The following PLXNC1 variants were observed in gnomAD, a reference collection of about 807,000 sequenced individuals.
PLXNC1 encodes plexin-C1.
In PLXNC1, 75 loss-of-function variants were observed where a neutral mutation model predicts 178.2. The ratio of observed to expected loss-of-function variants is 0.42; its 90% CI spans 0.35 to 0.51. The LOEUF is 0.51. Among genes scored for constraint, PLXNC1 ranks in the 20% least tolerant of loss-of-function variants. The probability of loss-of-function intolerance (pLI) is 0.02; values close to 1 mark genes in which losing one functional copy is unlikely to be tolerated. For missense variants in PLXNC1, 1,503 were observed against 1,984.4 expected, an observed-to-expected ratio of 0.76 and a Z score of 4.61; for synonymous variants, 790 against 779.9, an observed-to-expected ratio of 1.01 and a Z score of -0.22.
At chr12:94,188,326 T>TA (rs985087497) in intron 4 of PLXNC1, among the ~76,000 whole-genome samples, 2 of 148,082 alleles carry the variant, frequency 1.4e-5, no homozygotes, top group African/African-American at 4.9e-5. Flanking sequence ...TTTTGTCCTT[T>TA]TTTTTTTTTT....
intron 4 of PLXNC1, 84 bp downstream of exon 4, chr12:94,186,557 C>T: frequency 1.2e-6 from 1 of 827,016 alleles, no homozygotes; most frequent in Non-Finnish European, 2.1e-6. Flanking sequence ...CTTTAACGAT[C>T]CATTCCAGTG....
At chr12:94,304,161 G>A (rs1444755744) in intron 30 of PLXNC1, 110 bp downstream of exon 30, 1 of 678,954 alleles carries the variant, frequency 1.5e-6, no homozygotes, top group African/African-American at 1.8e-5. Flanking sequence ...GCCAGAAAGG[G>A]AAGCCAGGAA....
chr12:94,299,762 A>G (rs532662099), intron 27 of PLXNC1, among the ~76,000 whole-genome samples: 40 of 152,120 alleles, frequency 2.6e-4, no homozygotes, highest in Admixed American at 9.2e-4. Flanking sequence ...GTCTCACTAC[A>G]CTGCCCAGGC....
At chr12:94,166,298 G>A (rs1961607515) in intron 1 of PLXNC1, among the ~76,000 whole-genome samples, 1 of 149,228 alleles carries the variant, frequency 6.7e-6, no homozygotes, top group African/African-American at 2.4e-5. Context: ...TAAAAAGTCT[G>A]TGGCATAAAA....
intron 4 of PLXNC1, among the ~76,000 whole-genome samples, chr12:94,197,048 C>T (rs964116808): frequency 2.0e-5 from 3 of 152,190 alleles, no homozygotes; most frequent in African/African-American, 7.2e-5. Context: ...TTTGCCTTTT[C>T]CAGCTTTTGG....
rs778492735 is a variant in PLXNC1, at chr12:94,169,324, A to G, written c.1203+31A>G. ...TTTTCTGTGCCTTCTTCAAATGTCT[A>G]TTTTAATGGTGATATTTTGTACTTT... On this transcript the variant is annotated intron_variant, in intron 2 of 30. Coordinates refer to ENST00000258526, the MANE Select transcript of PLXNC1 (RefSeq NM_005761.3). The G allele has an allele frequency of 7.5e-6, 12 of 1,591,960 alleles. No homozygotes were observed. The South Asian group carries it at 1.0e-4, about 13-fold the overall frequency.
chr12:94,220,195 T>C lies in PLXNC1; in HGVS notation c.1702+32T>C, dbSNP rs763153594. 1.8e-5 allele frequency: 28 copies of C among 1,597,208 alleles called. 1 individual carries two copies. The highest frequency in any genetic ancestry group is 1.7e-4 in the Middle Eastern group (1 of 5,940). On this transcript the variant is annotated intron_variant, in intron 6 of 30. Transcript: ENST00000258526. ...GGATTCTTCTGGGTTATTTTTGTTA[T>C]AAAATCAAAAAAACAAGGGAACCTC...
At chr12:94,164,419 A>G (rs1961510317) in intron 1 of PLXNC1, among the ~76,000 whole-genome samples, 1 of 137,450 alleles carries the variant, frequency 7.3e-6, no homozygotes, top group African/African-American at 2.8e-5. Context: ...TGATGCCGCA[A>G]AAGCTGGAGC....
intron 21 of PLXNC1, among the ~76,000 whole-genome samples, chr12:94,268,737 G>C (rs112647419): frequency 0.042 from 6,386 of 151,788 alleles, 205 homozygotes; most frequent in African/African-American, 0.085. Flanking sequence ...TGGGATTATA[G>C]GCACCTGCCA....
At chr12:94,151,794 T>C (rs914246836) in intron 1 of PLXNC1, among the ~76,000 whole-genome samples, 2 of 152,212 alleles carry the variant, frequency 1.3e-5, no homozygotes, top group African/African-American at 4.8e-5. Flanking sequence ...TATTGGGTCC[T>C]GGAAGACTCA....
rs1195371475 is a variant in PLXNC1, at chr12:94,221,785, T to C, written c.1702+1622T>C. Among the ~76,000 whole-genome samples, 3 of 152,188 alleles carry C rather than the reference T, an allele frequency of 2.0e-5. No individual in the cohort carries two copies. In the East Asian group the frequency reaches 5.8e-4, roughly 29 times the overall value. Reference sequence around the variant, plus strand: ...GGTGCCTTGTTGCTGTATTCTCACATACAGAAGGGGCAGGGGAGCTCTCTT... The same window carrying C: ...GGTGCCTTGTTGCTGTATTCTCACACACAGAAGGGGCAGGGGAGCTCTCTT... On this transcript the variant is annotated intron_variant, in intron 6 of 30. Transcript: ENST00000258526.
At chr12:94,177,219 GTATATATATACATATA>G (rs1565794557) in intron 2 of PLXNC1, among the ~76,000 whole-genome samples, 13,440 of 88,408 alleles carry the variant, frequency 0.15, 1,188 homozygotes, top group African/African-American at 0.31. Flanking sequence ...ATATGTGTGT[GTATATATATACATATA>G]TATATATATA....
At chr12:94,184,324 C>T (rs1291346651) in intron 3 of PLXNC1, among the ~76,000 whole-genome samples, 1 of 151,828 alleles carries the variant, frequency 6.6e-6, no homozygotes, top group Non-Finnish European at 1.5e-5. Flanking sequence ...CGGGGTTTCA[C>T]CATACTGGTC....
At chr12:94,249,726 T>C (rs1340437040) in intron 14 of PLXNC1, among the ~76,000 whole-genome samples, 1 of 151,912 alleles carries the variant, frequency 6.6e-6, no homozygotes, top group Non-Finnish European at 1.5e-5. Flanking sequence ...CCTTTCCTGT[T>C]AGTTGAGAAG....
rs3803072 is a variant in PLXNC1, at chr12:94,305,128, A to G, written c.4603-53A>G. 8.0e-4 allele frequency: 940 copies of G among 1,171,132 alleles called. 4 individuals carry two copies. In the East Asian group the frequency reaches 9.5e-3, roughly 12 times the overall value. 72.5% of individuals were successfully genotyped at this position (1,171,132 alleles called of 1,614,324 possible). ...ACAGCATCAGGTATGCAAAAAACAG[A>G]ATTGTAACGCTAAAACCACAATATC... On this transcript the variant is annotated intron_variant, in intron 30 of 30. Transcript: ENST00000258526.
intron 21 of PLXNC1, among the ~76,000 whole-genome samples, chr12:94,275,146 C>A: frequency 6.6e-6 from 1 of 152,176 alleles, no homozygotes; most frequent in South Asian, 2.1e-4. Flanking sequence ...CACTGTCCTC[C>A]CTACTCAGAA....
At chr12:94,269,455 T>C (rs1965444504) in intron 21 of PLXNC1, among the ~76,000 whole-genome samples, 1 of 152,242 alleles carries the variant, frequency 6.6e-6, no homozygotes, top group Non-Finnish European at 1.5e-5. Context: ...ATATCTCATA[T>C]ACAACAGAGC....
At chr12:94,262,832 G>T (rs761626960) in intron 20 of PLXNC1, 1 of 939,464 alleles carries the variant, frequency 1.1e-6, no homozygotes, top group Non-Finnish European at 1.3e-6. Context: ...GAATGTGCCA[G>T]ACAGCATGCT....
intron 4 of PLXNC1, among the ~76,000 whole-genome samples, chr12:94,192,913 G>A (rs1962776960): frequency 6.6e-6 from 1 of 152,142 alleles, no homozygotes; most frequent in Admixed American, 6.5e-5. Flanking sequence ...AAGTAAAGGA[G>A]ATAAATGAAT....
Sources: gnomAD v4.1 joint callset for allele counts (sites outside exome capture counted in the v4.1 genomes callset) on GRCh38, gnomAD v4.1.1 for gene constraint, MANE v1.5 for transcripts, NCBI Gene and HGNC (gene_info 2026-07-23, HGNC 2026-07-21) for gene names.